Variants in TCF20 observed in about 807,000 individuals in gnomAD.
The protein encoded by TCF20 is transcription factor 20.
Under a neutral mutation model 148.6 loss-of-function variants are expected in TCF20, and 3 were observed. The ratio of observed to expected loss-of-function variants is 0.02; its 90% CI spans 0.01 to 0.05. TCF20 has a LOEUF of 0.05. Ranked by LOEUF, TCF20 falls within the 10% of genes least tolerant of loss-of-function variation. The pLI, the probability that TCF20 is intolerant of heterozygous loss-of-function variation, is 1.00. For missense variants in TCF20, 2,350 were observed against 2,429.3 expected, an observed-to-expected ratio of 0.97 and a Z score of 0.69; for synonymous variants, 1,049 against 909.5, an observed-to-expected ratio of 1.15 and a Z score of -2.76.
intron 2 of TCF20, among the ~76,000 whole-genome samples, chr22:42,180,061 G>C (rs1022018102): frequency 6.6e-6 from 1 of 152,144 alleles, no homozygotes; most frequent in African/African-American, 2.4e-5. Flanking sequence ...TGCTGCTATC[G>C]TGAGCGGCCT....
chr22:42,220,100 C>T (rs939011144), intron 1 of TCF20, among the ~76,000 whole-genome samples: 2 of 152,192 alleles, frequency 1.3e-5, no homozygotes, highest in Non-Finnish European at 2.9e-5. Flanking sequence ...ACCTTGCCCT[C>T]TTATAGAAAA....
At chr22:42,302,898 TG>T (rs1227294551) in intron 1 of TCF20, among the ~76,000 whole-genome samples, 1 of 152,208 alleles carries the variant, frequency 6.6e-6, no homozygotes, top group Non-Finnish European at 1.5e-5. Context: ...TAATAGATGC[TG>T]GGGTGACTAT....
chr22:42,273,702 G>C (rs1201154258), upstream of TCF20, among the ~76,000 whole-genome samples: 1 of 151,432 alleles, frequency 6.6e-6, no homozygotes, highest in Non-Finnish European at 1.5e-5. Context: ...TCCTAACCCA[G>C]TCCACTCAAA....
chr22:42,306,029 G>C (rs964295133), intron 1 of TCF20, among the ~76,000 whole-genome samples: 1 of 152,224 alleles, frequency 6.6e-6, no homozygotes, highest in African/African-American at 2.4e-5. Flanking sequence ...TCCCAGATCT[G>C]GTGAGGCTTG....
chr22:42,176,957 C>T, intron 3 of TCF20, among the ~76,000 whole-genome samples: 1 of 152,078 alleles, frequency 6.6e-6, no homozygotes, highest in East Asian at 1.9e-4. Flanking sequence ...CCACAGTTAA[C>T]AACATTATAT....
intron 1 of TCF20, 137 bp from the exon 2 acceptor site, chr22:42,215,478 T>C (rs1921669705): frequency 1.6e-6 from 2 of 1,243,560 alleles, no homozygotes; most frequent in African/African-American, 3.0e-5. Flanking sequence ...TTTTTTTTTT[T>C]TGGTTTTTTG....
At chr22:42,340,383 C>T (rs1234865768) in intron 1 of TCF20, among the ~76,000 whole-genome samples, 5 of 152,170 alleles carry the variant, frequency 3.3e-5, no homozygotes, top group Non-Finnish European at 7.4e-5. Context: ...AGTCCCTTCC[C>T]GCGGTAGCCT....
At chr22:42,191,705 C>CT (rs1368521575) in intron 2 of TCF20, among the ~76,000 whole-genome samples, 2 of 152,172 alleles carry the variant, frequency 1.3e-5, no homozygotes, top group Non-Finnish European at 2.9e-5. Flanking sequence ...TATATTTTGT[C>CT]TAACGGAGTT....
At chr22:42,284,753 T>C (rs896826984), upstream of TCF20, among the ~76,000 whole-genome samples, 1 of 152,194 alleles carries the variant, frequency 6.6e-6, no homozygotes, top group Non-Finnish European at 1.5e-5. Flanking sequence ...TTTCTCTGTG[T>C]ACAACAGCAG....
intron 2 of TCF20, among the ~76,000 whole-genome samples, chr22:42,207,814 T>G (rs1180825347): frequency 6.7e-6 from 1 of 149,286 alleles, no homozygotes; most frequent in Non-Finnish European, 1.5e-5. Context: ...AAACCCCATC[T>G]CAATAAAGAA....
intron 2 of TCF20, among the ~76,000 whole-genome samples, chr22:42,195,970 T>A (rs772533178): frequency 2.6e-5 from 4 of 152,186 alleles, no homozygotes; most frequent in Non-Finnish European, 5.9e-5. Flanking sequence ...TGGGGCCAAC[T>A]CAGCCCTTGG....
intron 3 of TCF20, among the ~76,000 whole-genome samples, chr22:42,174,764 G>A (rs554280711): frequency 3.6e-4 from 54 of 151,572 alleles, no homozygotes; most frequent in South Asian, 2.9e-3. Context: ...GGCCAGGCGC[G>A]GTGGCTCACG....
chr22:42,203,457 A>G (rs913841356), intron 2 of TCF20, among the ~76,000 whole-genome samples: 11 of 152,240 alleles, frequency 7.2e-5, no homozygotes, highest in Non-Finnish European at 1.3e-4. Context: ...GTCATGATTT[A>G]TTCTGTAAGG....
chr22:42,180,435 G>A (rs991122404), intron 2 of TCF20, among the ~76,000 whole-genome samples: 2 of 152,116 alleles, frequency 1.3e-5, no homozygotes, highest in African/African-American at 4.8e-5. Context: ...CTGTGATGTG[G>A]CTGCTGTGAG....
chr22:42,252,459 T>A (rs1925458495), intron 1 of TCF20, among the ~76,000 whole-genome samples: 1 of 152,050 alleles, frequency 6.6e-6, no homozygotes, highest in Admixed American at 6.6e-5. Context: ...CAAGACAGTT[T>A]TAAAAGCTTT....
chr22:42,225,477 G>T (rs372514597), intron 1 of TCF20, among the ~76,000 whole-genome samples: 152 of 151,092 alleles, frequency 1.0e-3, no homozygotes, highest in African/African-American at 3.3e-3. Context: ...AGCCGGGCGC[G>T]GTGGCGGGCG....
intron 2 of TCF20, among the ~76,000 whole-genome samples, chr22:42,180,589 C>T (rs887920128): frequency 2.6e-5 from 4 of 152,218 alleles, no homozygotes; most frequent in African/African-American, 9.6e-5. Flanking sequence ...GAGACAGAAA[C>T]TTGTTCCTGC....
chr22:42,190,721 T>C (rs919599220), intron 2 of TCF20, among the ~76,000 whole-genome samples: 8 of 152,220 alleles, frequency 5.3e-5, no homozygotes, highest in Admixed American at 2.0e-4. Flanking sequence ...GAGCGTATTT[T>C]ACAGGTCAGA....
At chr22:42,165,429 G>A (rs9611747) in intron 5 of TCF20, among the ~76,000 whole-genome samples, 1 of 152,166 alleles carries the variant, frequency 6.6e-6, no homozygotes, top group African/African-American at 2.4e-5. Flanking sequence ...TTTAATTCAC[G>A]ACAGGAGGAA....
Sources: gnomAD v4.1 joint callset for allele counts (sites outside exome capture counted in the v4.1 genomes callset) on GRCh38, gnomAD v4.1.1 for gene constraint, MANE v1.5 for transcripts, NCBI Gene and HGNC (gene_info 2026-07-23, HGNC 2026-07-21) for gene names.